PTPN4: variants seen among roughly 807,000 people sequenced by gnomAD.
PTPN4 encodes tyrosine-protein phosphatase non-receptor type 4.
Under a neutral mutation model 135.5 loss-of-function variants are expected in PTPN4, and 49 were observed. The observed-to-expected ratio is 0.36, with a 90% CI of 0.29 to 0.46. The LOEUF (loss-of-function observed/expected upper bound fraction) is 0.46. Ranked by LOEUF, PTPN4 falls within the 20% of genes least tolerant of loss-of-function variation. The probability of loss-of-function intolerance (pLI) is 1.00; values close to 1 mark genes in which losing one functional copy is unlikely to be tolerated. For synonymous variants in PTPN4, 333 were observed against 369.9 expected (o/e 0.90, Z 1.14); for missense variants, 860 against 1,101.0 (o/e 0.78, Z 3.10).
intron 1 of PTPN4, among the ~76,000 whole-genome samples, chr2:119,764,137 G>T (rs1690564660): frequency 6.6e-6 from 1 of 152,172 alleles, no homozygotes; most frequent in African/African-American, 2.4e-5. Context: ...TGTTTAGTCA[G>T]TTTCTCTTTT....
At chr2:119,952,506 C>G (rs1343679776) in intron 19 of PTPN4, among the ~76,000 whole-genome samples, 1 of 152,178 alleles carries the variant, frequency 6.6e-6, no homozygotes. Context: ...GGCTTTCTCT[C>G]CTGACTACCA....
At chr2:119,889,808 A>G (rs1574389638) in intron 9 of PTPN4, among the ~76,000 whole-genome samples, 1 of 152,052 alleles carries the variant, frequency 6.6e-6, no homozygotes, top group African/African-American at 2.4e-5. Context: ...AGGTTTTGCT[A>G]TGTTGTATTC....
intron 10 of PTPN4, among the ~76,000 whole-genome samples, chr2:119,906,759 A>T (rs1166819929): frequency 6.6e-6 from 1 of 152,238 alleles, no homozygotes; most frequent in Non-Finnish European, 1.5e-5. Context: ...CTAAAAGAAG[A>T]CAAGGATGCC....
At position 119,947,789 on chromosome 2, in the gene PTPN4, C is replaced by CACACACAT. The variant is rs570791192; in HGVS notation, c.1656+1218_1656+1219insCACATACA. On this transcript the variant is annotated intron_variant, in intron 18 of 26. Coordinates refer to ENST00000263708, the MANE Select transcript of PTPN4 (RefSeq NM_002830.4). ...ACACACACACACACACACACACACA[C>CACACACAT]ACATCAGATTGTGACTCCTAAGTCT... is the stretch of plus-strand genomic sequence containing the variant. 2.0e-4 allele frequency among the ~76,000 whole-genome samples: 31 copies of CACACACAT among 151,840 alleles called. 1 individual carries two copies. Among genetic ancestry groups the CACACACAT allele is most frequent in the Middle Eastern group, 3.4e-3 (1 of 294 alleles).
chr2:119,777,801 T>C (rs1290751289), intron 1 of PTPN4, among the ~76,000 whole-genome samples: 1 of 151,998 alleles, frequency 6.6e-6, no homozygotes, highest in Non-Finnish European at 1.5e-5. Context: ...ACCATAGGTG[T>C]GTTCCACCAT....
intron 2 of PTPN4, among the ~76,000 whole-genome samples, chr2:119,862,296 C>G (rs188011614): frequency 1.3e-5 from 2 of 152,240 alleles, no homozygotes; most frequent in Admixed American, 1.3e-4. Context: ...GGTATGAAAA[C>G]AGTTACCAAG....
At chr2:119,863,084 C>G (rs954528262) in intron 3 of PTPN4, among the ~76,000 whole-genome samples, 1 of 151,830 alleles carries the variant, frequency 6.6e-6, no homozygotes, top group Non-Finnish European at 1.5e-5. Flanking sequence ...ATCAGAGACC[C>G]TCACAAATAA....
intron 1 of PTPN4, among the ~76,000 whole-genome samples, chr2:119,774,760 C>CTT (rs1690799693): frequency 6.6e-6 from 1 of 152,160 alleles, no homozygotes; most frequent in Non-Finnish European, 1.5e-5. Flanking sequence ...GGCATGGTGG[C>CTT]TTATGCCTAT....
intron 22 of PTPN4, 106 bp downstream of exon 22, chr2:119,957,183 T>C: frequency 9.7e-7 from 1 of 1,028,498 alleles, no homozygotes; most frequent in East Asian, 2.5e-5. Flanking sequence ...TATTAAAACT[T>C]TCAGCTATGA....
intron 18 of PTPN4, 27 bp downstream of exon 18, chr2:119,946,601 A>T: frequency 6.7e-7 from 1 of 1,497,792 alleles, no homozygotes. Flanking sequence ...TTTCAAATAA[A>T]TCCTGTTTTC....
chr2:119,934,972 T>C lies in PTPN4; in HGVS notation c.1355+14T>C, dbSNP rs764139465. ...GGAATCATCACCGTAAGAGCTTTTTTATTTTGCTTCCTCTGTATTTTCAAA... is the reference window on the plus strand; with the variant it reads ...GGAATCATCACCGTAAGAGCTTTTTCATTTTGCTTCCTCTGTATTTTCAAA... On this transcript the variant is annotated intron_variant, in intron 15 of 26. Transcript: ENST00000263708. 6.3e-7 allele frequency: 1 copy of C among 1,594,602 alleles called. No homozygotes were observed. Among genetic ancestry groups the C allele is most frequent in the Non-Finnish European group, 8.5e-7 (1 of 1,169,748 alleles).
At position 119,878,921 on chromosome 2, in the gene PTPN4, A is replaced by G. The variant is rs369176751; in HGVS notation, c.368+1379A>G. Among the ~76,000 whole-genome samples the G allele has an allele frequency of 6.6e-3, 998 of 151,656 alleles. 21 individuals carry two copies. The highest frequency in any genetic ancestry group is 8.2e-3 in the East Asian group (42 of 5,148). On this transcript the variant is annotated intron_variant, in intron 5 of 26. Transcript: ENST00000263708. ...ATCCTGGCTAACACGGTGAAACCCC[A>G]TCTCTACTAAAAATACAAAAAATTA...
chr2:119,932,778 ACT>A (rs1267472151), intron 14 of PTPN4, among the ~76,000 whole-genome samples: 46 of 152,112 alleles, frequency 3.0e-4, no homozygotes, highest in Admixed American at 5.2e-4. Context: ...AGGACCCTCC[ACT>A]CTCACTCTCC....
intron 11 of PTPN4, 155 bp downstream of exon 11, chr2:119,915,397 T>G: frequency 2.0e-6 from 1 of 509,830 alleles, no homozygotes; most frequent in Non-Finnish European, 3.3e-6. Flanking sequence ...TATAACAAAA[T>G]GTACTTGTTT....
At chr2:119,886,038 T>A (rs1187992471) in intron 9 of PTPN4, among the ~76,000 whole-genome samples, 156 bp downstream of exon 9, 2 of 152,206 alleles carry the variant, frequency 1.3e-5, no homozygotes, top group Non-Finnish European at 2.9e-5. Context: ...TCACAATAAC[T>A]TAAGATTCAA....
chr2:119,867,674 A>G (rs1677851986), intron 3 of PTPN4, among the ~76,000 whole-genome samples: 1 of 152,096 alleles, frequency 6.6e-6, no homozygotes, highest in South Asian at 2.1e-4. Context: ...TATCATGTAG[A>G]TATATGGTAA....
At chr2:119,903,918 A>G (rs1321128052) in intron 10 of PTPN4, among the ~76,000 whole-genome samples, 1 of 152,178 alleles carries the variant, frequency 6.6e-6, no homozygotes, top group African/African-American at 2.4e-5. Flanking sequence ...ATTAGAGCCA[A>G]ATAAATAATG....
At chr2:119,820,885 G>A (rs1169861595) in intron 2 of PTPN4, among the ~76,000 whole-genome samples, 1 of 123,240 alleles carries the variant, frequency 8.1e-6, no homozygotes, top group Non-Finnish European at 1.7e-5. Context: ...ATACACACAT[G>A]TGTGTGTATG....
At chr2:119,949,287 G>A (rs1292300024) in intron 18 of PTPN4, among the ~76,000 whole-genome samples, 2 of 152,042 alleles carry the variant, frequency 1.3e-5, no homozygotes, top group Non-Finnish European at 2.9e-5. Context: ...TATTATTTTT[G>A]TATTATTTTG....
Sources: gnomAD v4.1 joint callset for allele counts (sites outside exome capture counted in the v4.1 genomes callset) on GRCh38, gnomAD v4.1.1 for gene constraint, MANE v1.5 for transcripts, NCBI Gene and HGNC (gene_info 2026-07-23, HGNC 2026-07-21) for gene names.